Variants in MBP observed in about 807,000 individuals in gnomAD.
MBP encodes myelin basic protein.
MBP carries 16 observed loss-of-function variants against 35.8 expected under a neutral mutation model. That is an observed-to-expected ratio of 0.45 (90% CI 0.30 to 0.68). The LOEUF (loss-of-function observed/expected upper bound fraction) is 0.68, where lower values mean the gene tolerates loss of function less well. Among genes scored for constraint, MBP ranks in the 30% least tolerant of loss-of-function variants. The pLI, the probability that MBP is intolerant of heterozygous loss-of-function variation, is 0.08. For missense variants in MBP, 380 were observed against 404.7 expected (o/e 0.94, Z 0.52); for synonymous variants, 143 against 159.6 (o/e 0.90, Z 0.78).
At chr18:77,133,069 T>G (rs1240581213), upstream of MBP, among the ~76,000 whole-genome samples, 1 of 151,924 alleles carries the variant, frequency 6.6e-6, no homozygotes, top group Non-Finnish European at 1.5e-5. Flanking sequence ...ACCCTTCCCG[T>G]TCGGAGGCTT....
chr18:77,087,149 C>T (rs1321945936), intron 2 of MBP, among the ~76,000 whole-genome samples: 2 of 152,226 alleles, frequency 1.3e-5, no homozygotes, highest in African/African-American at 4.8e-5. Context: ...CTTGCCACCG[C>T]AAACGGAAAG....
At chr18:76,990,888 C>A in intron 4 of MBP, 1 of 306,490 alleles carries the variant, frequency 3.3e-6, no homozygotes, top group Non-Finnish European at 6.7e-6. Context: ...GGAGAGATTT[C>A]TATCACCGAC....
In MBP at chr18:77,094,574, C is replaced by T. The variant is rs7231675; in HGVS notation, c.51+10637G>A. 9.4e-3 allele frequency among the ~76,000 whole-genome samples: 1,427 copies of T among 152,352 alleles called. 24 individuals carry two copies. The highest frequency in any genetic ancestry group is 0.032 in the African/African-American group (1,332 of 41,582). On this transcript the variant is annotated intron_variant, in intron 2 of 8. Coordinates refer to ENST00000355994, the MANE Select transcript of MBP (RefSeq NM_001025101.2). ...ACTTGTACATTTGTGCTATGGTTTA[C>T]AGCACGCCAGCATTGTCTTTTTCTA...
chr18:76,997,745 C>G (rs1291205570), intron 4 of MBP, among the ~76,000 whole-genome samples: 34 of 150,980 alleles, frequency 2.3e-4, no homozygotes, highest in Admixed American at 3.9e-4. Context: ...TGCAGTGGCG[C>G]GACCTCGGCT....
At chr18:76,982,146 G>C (rs1969240908) in intron 8 of MBP, 1 of 152,252 alleles carries the variant, frequency 6.6e-6, no homozygotes, top group Non-Finnish European at 1.5e-5. Context: ...GCACCTCCTG[G>C]AGTAGGTGTT....
At chr18:77,121,211 G>A (rs1976874518) in intron 1 of MBP, among the ~76,000 whole-genome samples, 1 of 152,044 alleles carries the variant, frequency 6.6e-6, no homozygotes, top group South Asian at 2.1e-4. Context: ...CAGGGAGATT[G>A]AGGTGGGAGG....
chr18:77,028,543 C>G (rs1487758474), intron 3 of MBP, among the ~76,000 whole-genome samples: 2 of 95,746 alleles, frequency 2.1e-5, no homozygotes, highest in African/African-American at 6.1e-5. Context: ...GGCAGAGGGG[C>G]TCCTCACTTC....
intron 3 of MBP, among the ~76,000 whole-genome samples, chr18:77,063,896 ATGTGTG>A (rs10554697): frequency 0.1 from 15,101 of 149,706 alleles, 928 homozygotes; most frequent in South Asian, 0.15. Flanking sequence ...ACCTATACAT[ATGTGTG>A]TGTGTGTGTG....
At chr18:77,067,697 A>G (rs76352616) in intron 2 of MBP, 25,476 of 406,360 alleles carry the variant, frequency 0.063, 1,117 homozygotes, top group South Asian at 0.11. Context: ...CTCGGGTGCC[A>G]CTCCCTGCAG....
chr18:77,133,261 G>C (rs903804334), upstream of MBP, among the ~76,000 whole-genome samples: 1 of 152,210 alleles, frequency 6.6e-6, no homozygotes, highest in Non-Finnish European at 1.5e-5. Context: ...TCCTCCCAAG[G>C]CACTCCCTCC....
chr18:76,988,420 G>C lies in MBP; in HGVS notation c.750+75C>G, dbSNP rs756867616. On this transcript the variant is annotated intron_variant, in intron 7 of 8. Coordinates refer to ENST00000355994, the MANE Select transcript of MBP (RefSeq NM_001025101.2). The surrounding 1 kb of genome is among the most constrained non-coding windows in gnomAD (Gnocchi z 5.2). ...GAGGCCAGGAAGCAACCGAAACAGAGCAGAACACAAAAGTTGCGGGGCTGT... is the reference window on the plus strand; with the variant it reads ...GAGGCCAGGAAGCAACCGAAACAGACCAGAACACAAAAGTTGCGGGGCTGT... 118 of 1,614,092 alleles carry C rather than the reference G, an allele frequency of 7.3e-5. No individual in the cohort carries two copies. Among genetic ancestry groups the C allele is most frequent in the Non-Finnish European group, 9.8e-5 (116 of 1,180,038 alleles).
intron 2 of MBP, among the ~76,000 whole-genome samples, chr18:77,069,928 C>T (rs1041977381): frequency 2.6e-5 from 4 of 152,186 alleles, no homozygotes; most frequent in Non-Finnish European, 4.4e-5. Context: ...TTCAACATCT[C>T]TAGGTCATAC....
chr18:77,076,869 C>G (rs1052164665), intron 2 of MBP, among the ~76,000 whole-genome samples: 1 of 152,136 alleles, frequency 6.6e-6, no homozygotes, highest in African/African-American at 2.4e-5. Context: ...TGGAGCCAGG[C>G]GCCGAGGCAC....
rs868567328 is a variant in MBP, at chr18:77,129,339, C to T, written c.-26+3241G>A. Among the ~76,000 whole-genome samples, 52 of 152,336 alleles carry T rather than the reference C, an allele frequency of 3.4e-4. 1 individual carries two copies. Among genetic ancestry groups the T allele is most frequent in the African/African-American group, 1.2e-3 (50 of 41,580 alleles). Reference sequence around the variant, plus strand: ...TACTAATAGCTTTGGAACATGCACTCGTGGTTGTTGCTGGCATGTGGGAGA... The same window carrying T: ...TACTAATAGCTTTGGAACATGCACTTGTGGTTGTTGCTGGCATGTGGGAGA... On this transcript the variant is annotated intron_variant, in intron 1 of 8. Coordinates refer to ENST00000355994, the MANE Select transcript of MBP (RefSeq NM_001025101.2).
At position 76,995,281 on chromosome 18, in the gene MBP, T is replaced by C. The variant is rs1468306994; in HGVS notation, c.577-5221A>G. Among the ~76,000 whole-genome samples, 3 of 152,108 alleles carry C rather than the reference T, an allele frequency of 2.0e-5. No homozygotes were observed. The East Asian group carries it at 5.8e-4, about 29-fold the overall frequency. On this transcript the variant is annotated intron_variant, in intron 4 of 8. Transcript: ENST00000355994. Reference sequence around the variant, plus strand: ...TTCTTTCCCCAAATCGATCTACAGGTTTAATGAAATTCCAAATCAAATTCC... The same window carrying C: ...TTCTTTCCCCAAATCGATCTACAGGCTTAATGAAATTCCAAATCAAATTCC...
At chr18:77,085,527 G>A (rs944288186) in intron 2 of MBP, among the ~76,000 whole-genome samples, 4 of 152,036 alleles carry the variant, frequency 2.6e-5, no homozygotes, top group African/African-American at 9.7e-5. Flanking sequence ...GACAGTATCT[G>A]GTGCTCAGCT....
At chr18:77,013,074 G>A (rs192844736) in intron 4 of MBP, 24 of 985,472 alleles carry the variant, frequency 2.4e-5, no homozygotes, top group Middle Eastern at 5.2e-4. Flanking sequence ...CTGAGCCAGG[G>A]TAGCCTCCGA....
chr18:77,069,950 A>T (rs1974367474), intron 2 of MBP, among the ~76,000 whole-genome samples: 1 of 152,166 alleles, frequency 6.6e-6, no homozygotes, highest in Admixed American at 6.5e-5. Flanking sequence ...GGGACACAGG[A>T]CGCGTGCAGA....
Position 77,017,217 on chromosome 18 carries a change from A to G in MBP, c.191T>C (p.Val64Ala). The G allele has an allele frequency of 6.6e-7, 1 of 1,523,572 alleles. No homozygotes were observed. Among genetic ancestry groups the G allele is most frequent in the East Asian group, 2.3e-5 (1 of 44,108 alleles). The allele number at this position is 1,523,572 out of a possible 1,614,324, so 94.4% of individuals were successfully genotyped here. Residue 64 changes from valine (V) to alanine (A), a missense_variant, in exon 4 of 9, where the codon GTG (valine) becomes GCG (alanine). By Grantham distance (64) the Val-to-Ala change is moderately conservative. Transcript: ENST00000355994. Reference protein sequence around the residue: ...NNGTSSQDTAVTDSKRTADPK... With the variant: ...NNGTSSQDTAATDSKRTADPK... ...GTCCGCTGTGCGCTTGGAGTCAGTC[A>G]CCGCTGTGTCCTGAGAGGAGGTCCC... is the stretch of plus-strand genomic sequence containing the variant.
Sources: gnomAD v4.1 joint callset for allele counts (sites outside exome capture counted in the v4.1 genomes callset) on GRCh38, gnomAD v4.1.1 for gene constraint, Gnocchi (gnomAD v3.1) non-coding constraint, MANE v1.5 for transcripts, NCBI Gene and HGNC (gene_info 2026-07-23, HGNC 2026-07-21) for gene names.